Variants in SLC15A5 observed in about 807,000 individuals in gnomAD.
SLC15A5 encodes Peptide/histidine transporter ENSP00000340402.
Under a neutral mutation model 56.1 loss-of-function variants are expected in SLC15A5, and 58 were observed. The ratio of observed to expected loss-of-function variants is 1.03; its 90% CI spans 0.84 to 1.29. The LOEUF (loss-of-function observed/expected upper bound fraction) is 1.29, where lower values mean the gene tolerates loss of function less well. SLC15A5 is among the 50% of genes most tolerant of loss of function. The pLI is 0.00. For missense variants in SLC15A5, 681 were observed against 672.1 expected (o/e 1.01, Z -0.15); for synonymous variants, 264 against 250.5 (o/e 1.05, Z -0.51).
chr12:16,256,287 T>C (rs771312043), intron 3 of SLC15A5, among the ~76,000 whole-genome samples: 5 of 152,294 alleles, frequency 3.3e-5, no homozygotes, highest in East Asian at 1.9e-4. Flanking sequence ...GGAAGAAATA[T>C]AGAATATGAT....
chr12:16,199,016 C>T (rs1768469379), intron 7 of SLC15A5, among the ~76,000 whole-genome samples: 1 of 152,014 alleles, frequency 6.6e-6, no homozygotes. Flanking sequence ...GCTAGTTCCC[C>T]TATTAGCCAG....
rs1306546682 is a variant in SLC15A5, at chr12:16,237,738, G to T, written c.1162+1943C>A. ...TAGGGTACCCAAAATTTTAAAATTT[G>T]TGGTAATTAAGCATGATTTGGAAGC... On this transcript the variant is annotated intron_variant, in intron 5 of 8. Transcript: ENST00000344941. This position sits in a 1 kb window ranked among gnomAD's most constrained non-coding sequence, Gnocchi z 4.1. 6.6e-6 allele frequency among the ~76,000 whole-genome samples: 1 copy of T among 152,078 alleles called. No individual in the cohort carries two copies. The highest frequency in any genetic ancestry group is 1.5e-5 in the Non-Finnish European group (1 of 68,002).
chr12:16,223,500 T>C (rs1044763250), intron 6 of SLC15A5, among the ~76,000 whole-genome samples: 3 of 152,150 alleles, frequency 2.0e-5, no homozygotes, highest in Non-Finnish European at 4.4e-5. Flanking sequence ...AAGTGGCTAG[T>C]TTAATTAATA....
chr12:16,253,850 G>A (rs750962616), intron 3 of SLC15A5, among the ~76,000 whole-genome samples: 8 of 152,132 alleles, frequency 5.3e-5, no homozygotes, highest in Admixed American at 3.9e-4. Context: ...AAATGGTGCA[G>A]CCATTGTGGA....
At chr12:16,239,291 T>G (rs1017591655) in intron 5 of SLC15A5, among the ~76,000 whole-genome samples, 1 of 152,248 alleles carries the variant, frequency 6.6e-6, no homozygotes, top group African/African-American at 2.4e-5. Flanking sequence ...ATACTAATCC[T>G]TAATCAATTT....
chr12:16,233,474 G>C (rs1363611494), intron 5 of SLC15A5, among the ~76,000 whole-genome samples: 1 of 152,154 alleles, frequency 6.6e-6, no homozygotes, highest in Non-Finnish European at 1.5e-5. Flanking sequence ...CAAATCAGTT[G>C]CAAATGTTCA....
At chr12:16,247,518 A>C (rs78482366) in intron 3 of SLC15A5, among the ~76,000 whole-genome samples, 1 of 152,182 alleles carries the variant, frequency 6.6e-6, no homozygotes, top group Non-Finnish European at 1.5e-5. Flanking sequence ...GGCAAGTTCT[A>C]TGATGAAAAC....
intron 5 of SLC15A5, among the ~76,000 whole-genome samples, chr12:16,236,024 T>A (rs1473963843): frequency 3.9e-5 from 6 of 152,166 alleles, no homozygotes; most frequent in African/African-American, 1.4e-4. Context: ...TCATCTACAT[T>A]TAAATTTAAA....
chr12:16,241,142 T>A (rs1864411429), intron 4 of SLC15A5, among the ~76,000 whole-genome samples: 1 of 152,040 alleles, frequency 6.6e-6, no homozygotes. Flanking sequence ...GCATAGTATT[T>A]CTTTAATTCC....
chr12:16,229,808 G>A (rs1231047599), intron 5 of SLC15A5, among the ~76,000 whole-genome samples: 1 of 152,142 alleles, frequency 6.6e-6, no homozygotes, highest in Non-Finnish European at 1.5e-5. Flanking sequence ...ACACTCAGCA[G>A]GACTCCCATG....
rs1565667462 is a variant in SLC15A5, at chr12:16,239,839, A to G, written c.1004T>C (p.Met335Thr). The G allele has an allele frequency of 2.0e-6, 3 of 1,537,188 alleles. No individual in the cohort carries two copies. Among genetic ancestry groups the G allele is most frequent in the Non-Finnish European group, 2.6e-6 (3 of 1,146,864 alleles). The change falls in exon 5 of 9, where the codon ATG (methionine) becomes ACG (threonine). Residue 335 changes from methionine to threonine, a missense_variant. By Grantham distance (81) the Met-to-Thr change is moderately conservative (BLOSUM62 -1). Transcript: ENST00000344941. ...QIPSGYYLQT[M>T]NSNLNLDGFL... ...TCCATCCAAATTCAGGTTGGAATTC[A>G]TAGTTTGCAGATAATATCCTGAAGG...
chr12:16,190,340 A>T (rs566568678), intron 8 of SLC15A5, among the ~76,000 whole-genome samples: 1 of 152,164 alleles, frequency 6.6e-6, no homozygotes, highest in Non-Finnish European at 1.5e-5. Flanking sequence ...AGATTAAGAA[A>T]CTGAAGTTTC....
chr12:16,220,545 T>C (rs147868183), intron 6 of SLC15A5, among the ~76,000 whole-genome samples: 42 of 152,372 alleles, frequency 2.8e-4, no homozygotes, highest in Admixed American at 1.1e-3. Context: ...TCAGGTAATA[T>C]TCAGTTTGCC....
chr12:16,214,725 T>C (rs977016300), intron 7 of SLC15A5, among the ~76,000 whole-genome samples: 5 of 152,172 alleles, frequency 3.3e-5, no homozygotes, highest in African/African-American at 1.2e-4. Context: ...ATGTGCCTCT[T>C]CTGATTTGTA....
intron 5 of SLC15A5, among the ~76,000 whole-genome samples, chr12:16,233,101 C>T (rs2136254021): frequency 6.6e-6 from 1 of 152,214 alleles, no homozygotes; most frequent in African/African-American, 2.4e-5. Flanking sequence ...CTGTGAGTAC[C>T]TTCTAAGATA....
intron 3 of SLC15A5, among the ~76,000 whole-genome samples, chr12:16,252,259 G>A (rs1159752006): frequency 6.6e-6 from 1 of 152,024 alleles, no homozygotes; most frequent in Non-Finnish European, 1.5e-5. Flanking sequence ...ACAAGGCAAA[G>A]ATGCCCACTC....
In SLC15A5 at chr12:16,244,603, G is replaced by A; in HGVS notation, c.952C>T (p.Leu318=). Reference sequence around the variant, plus strand: ...ACCTGCATAATGCACATTCTGTATAGGAGCTGAAAAATGAAGAGAGGGAGA... The same window carrying A: ...ACCTGCATAATGCACATTCTGTATAAGAGCTGAAAAATGAAGAGAGGGAGA... ...TLLPLFIFQL[L]YRMCIMQIPS... is the part of the protein sequence containing the mutation. Residue 318 remains leucine, a synonymous_variant, in exon 4 of 9, where the codon CTA becomes TTA. Coordinates refer to ENST00000344941, the MANE Select transcript of SLC15A5 (RefSeq NM_001170798.1). 1.3e-6 allele frequency: 2 copies of A among 1,537,776 alleles called. No homozygotes were observed. The highest frequency in any genetic ancestry group is 1.4e-5 in the African/African-American group (1 of 73,150).
At chr12:16,236,831 A>C (rs754872103) in intron 5 of SLC15A5, among the ~76,000 whole-genome samples, 5 of 152,240 alleles carry the variant, frequency 3.3e-5, no homozygotes, top group Non-Finnish European at 7.3e-5. Flanking sequence ...AACTGGAAAT[A>C]TCAATAAGGA....
At chr12:16,250,739 G>A (rs570714340) in intron 3 of SLC15A5, among the ~76,000 whole-genome samples, 31 of 152,060 alleles carry the variant, frequency 2.0e-4, no homozygotes, top group African/African-American at 7.5e-4. Context: ...TTATGAAGGG[G>A]TCAGAGAGGT....
Sources: allele counts gnomAD v4.1 joint callset (sites outside exome capture counted in the v4.1 genomes callset), GRCh38; gene constraint gnomAD v4.1.1; non-coding constraint Gnocchi (gnomAD v3.1); transcripts MANE v1.5; gene names NCBI Gene and HGNC (gene_info 2026-07-23, HGNC 2026-07-21).